PPFIBP1: variants seen among roughly 807,000 people sequenced by gnomAD.
The protein encoded by PPFIBP1 is PPFIB scaffold protein 1, also known as liprin-beta-1.
A neutral mutation model predicts 137.8 loss-of-function variants in PPFIBP1; 112 were observed. The observed-to-expected ratio is 0.81, with a 90% CI of 0.70 to 0.95. The LOEUF (loss-of-function observed/expected upper bound fraction) is 0.95. Ranked by LOEUF, PPFIBP1 falls within the 40% of genes least tolerant of loss-of-function variation. PPFIBP1 has a pLI of 0.00. For missense variants in PPFIBP1, 1,083 were observed against 1,196.6 expected, an observed-to-expected ratio of 0.91 and a Z score of 1.40; for synonymous variants, 378 against 417.3, an observed-to-expected ratio of 0.91 and a Z score of 1.15.
intron 10 of PPFIBP1, among the ~76,000 whole-genome samples, chr12:27,659,531 T>C (rs1007273810): frequency 6.6e-6 from 1 of 152,066 alleles, no homozygotes; most frequent in Non-Finnish European, 1.5e-5. Context: ...AAGGATCACT[T>C]GAGCCCCAGG....
chr12:27,533,010 A>G (rs1944576462), intron 1 of PPFIBP1, among the ~76,000 whole-genome samples: 1 of 152,094 alleles, frequency 6.6e-6, no homozygotes, highest in African/African-American at 2.4e-5. Context: ...ACAAAAGTTA[A>G]TTTTCTTTTA....
intron 21 of PPFIBP1, among the ~76,000 whole-genome samples, chr12:27,681,244 A>C (rs2060855592): frequency 6.6e-6 from 1 of 152,212 alleles, no homozygotes; most frequent in Non-Finnish European, 1.5e-5. Context: ...TCTTCAAACA[A>C]CATTGGTTAA....
intron 2 of PPFIBP1, among the ~76,000 whole-genome samples, chr12:27,615,956 G>C (rs2055701773): frequency 6.6e-6 from 1 of 152,096 alleles, no homozygotes; most frequent in South Asian, 2.1e-4. Context: ...TGGCAATTTG[G>C]GGGAGACATT....
intron 4 of PPFIBP1, among the ~76,000 whole-genome samples, chr12:27,641,263 G>A (rs1235603037): frequency 3.9e-5 from 6 of 152,092 alleles, no homozygotes; most frequent in Admixed American, 1.3e-4. Context: ...AAATAAATAA[G>A]CATTATTGTG....
rs2052853368 is a variant in PPFIBP1 at position 27,593,900 on chromosome 12, T to C, written c.-36+15661T>C. ...AGGGAGAAAGTGGATGGAAGGACCC[T>C]TGGAAGGTGCGTCTTCCCAGGAGGT... On this transcript the variant is annotated intron_variant, in intron 2 of 29. Transcript: ENST00000228425. 4.0e-6 allele frequency: 6 copies of C among 1,494,834 alleles called. No individual in the cohort carries two copies. The South Asian group carries it at 7.4e-5, about 18-fold the overall frequency. The allele number at this position is 1,494,834 out of a possible 1,614,324, so 92.6% of individuals were successfully genotyped here. A position where few individuals can be genotyped will look rare whatever the true frequency, so the allele number is the denominator to read the frequency against.
intron 1 of PPFIBP1, among the ~76,000 whole-genome samples, chr12:27,557,083 C>G (rs1481104104): frequency 6.6e-6 from 1 of 151,896 alleles, no homozygotes; most frequent in Non-Finnish European, 1.5e-5. Flanking sequence ...TGACTGGTTT[C>G]CATATGTGTT....
At chr12:27,567,948 C>T (rs1262325276) in intron 1 of PPFIBP1, among the ~76,000 whole-genome samples, 3 of 152,082 alleles carry the variant, frequency 2.0e-5, no homozygotes, top group East Asian at 3.8e-4. Context: ...CCCAGGCTGG[C>T]CTCAAACTCC....
chr12:27,532,510 A>G (rs1367137548), intron 1 of PPFIBP1, among the ~76,000 whole-genome samples: 1 of 151,954 alleles, frequency 6.6e-6, no homozygotes, highest in Non-Finnish European at 1.5e-5. Context: ...TACTCGAGAA[A>G]TACAAAATAT....
chr12:27,541,067 A>G (rs970799554), intron 1 of PPFIBP1, among the ~76,000 whole-genome samples: 2 of 152,156 alleles, frequency 1.3e-5, no homozygotes, highest in Non-Finnish European at 1.5e-5. Context: ...CGGTTCTCCA[A>G]CTTTCCTCTG....
chr12:27,548,507 T>G (rs1243604166), intron 1 of PPFIBP1: 1 of 152,204 alleles, frequency 6.6e-6, no homozygotes. Context: ...GAAAGCCAGT[T>G]GCACTGAACA....
intron 8 of PPFIBP1, 31 bp downstream of exon 8, chr12:27,654,845 A>G: frequency 1.3e-6 from 2 of 1,599,874 alleles, no homozygotes; most frequent in South Asian, 2.3e-5. Flanking sequence ...AACATTTTCA[A>G]ACAAATGGCA....
intron 4 of PPFIBP1, among the ~76,000 whole-genome samples, chr12:27,643,736 T>C (rs141277340): frequency 2.6e-3 from 240 of 91,412 alleles, no homozygotes; most frequent in African/African-American, 4.8e-3. Flanking sequence ...GGAAACAAAA[T>C]TGGCAGAAAT....
At chr12:27,555,607 T>C (rs531706922) in intron 1 of PPFIBP1, among the ~76,000 whole-genome samples, 1 of 152,374 alleles carries the variant, frequency 6.6e-6, no homozygotes, top group South Asian at 2.1e-4. Flanking sequence ...AAGCAAAAGC[T>C]GTTTTGACCC....
intron 17 of PPFIBP1, among the ~76,000 whole-genome samples, chr12:27,675,961 C>A (rs893963674): frequency 1.3e-5 from 2 of 152,010 alleles, no homozygotes; most frequent in Non-Finnish European, 2.9e-5. Context: ...TGAACTAATG[C>A]CTGCTTTGTA....
At chr12:27,525,342 T>G (rs1324340434) in intron 1 of PPFIBP1, among the ~76,000 whole-genome samples, 1 of 151,964 alleles carries the variant, frequency 6.6e-6, no homozygotes, top group East Asian at 1.9e-4. Context: ...GAATTCTGAT[T>G]TTTGTTTATT....
At chr12:27,672,361 C>T in intron 14 of PPFIBP1, 66 bp from the exon 15 acceptor site, 1 of 1,279,712 alleles carries the variant, frequency 7.8e-7, no homozygotes, top group Non-Finnish European at 1.1e-6. Flanking sequence ...CTTATCTGTT[C>T]ACTTAGAACA....
At chr12:27,616,844 G>A (rs537361077) in intron 2 of PPFIBP1, among the ~76,000 whole-genome samples, 2 of 152,268 alleles carry the variant, frequency 1.3e-5, no homozygotes, top group South Asian at 4.2e-4. Context: ...ATTAAGTGTT[G>A]GAGGAATAGG....
intron 1 of PPFIBP1, among the ~76,000 whole-genome samples, chr12:27,542,841 T>C (rs987936323): frequency 4.6e-5 from 7 of 152,160 alleles, no homozygotes; most frequent in African/African-American, 1.7e-4. Context: ...TGTCTACGTG[T>C]TCATGTAAAA....
At chr12:27,574,553 G>A (rs2050405549) in intron 1 of PPFIBP1, among the ~76,000 whole-genome samples, 1 of 152,110 alleles carries the variant, frequency 6.6e-6, no homozygotes, top group South Asian at 2.1e-4. Context: ...TCTTAGATGG[G>A]TCTTAAAAGT....
Sources: allele counts gnomAD v4.1 joint callset (sites outside exome capture counted in the v4.1 genomes callset), GRCh38; gene constraint gnomAD v4.1.1; transcripts MANE v1.5; gene names NCBI Gene and HGNC (gene_info 2026-07-23, HGNC 2026-07-21).